Variants in AMZ1 observed in about 807,000 individuals in gnomAD.
AMZ1 encodes the protein archaemetzincin-1.
A neutral mutation model predicts 29.9 loss-of-function variants in AMZ1; 39 were observed. The ratio of observed to expected loss-of-function variants is 1.30; its 90% CI spans 1.01 to 1.70. The LOEUF is 1.70. Among genes scored for constraint, AMZ1 ranks in the 40% most tolerant of loss-of-function variants. The pLI is 0.00. For missense variants in AMZ1, 1,041 were observed against 680.6 expected, an observed-to-expected ratio of 1.53 and a Z score of -5.89; for synonymous variants, 458 against 304.0, an observed-to-expected ratio of 1.51 and a Z score of -5.27.
intron 4 of AMZ1, among the ~76,000 whole-genome samples, chr7:2,756,149 T>C (rs1459221656): frequency 6.6e-6 from 1 of 152,062 alleles, no homozygotes; most frequent in Non-Finnish European, 1.5e-5. Flanking sequence ...GGCCCCCACA[T>C]ATATGGCCAA....
Position 2,717,438 on chromosome 7 carries a change from C to T in AMZ1, c.*4560C>T, listed in dbSNP as rs1287187260. 1.3e-5 allele frequency among the ~76,000 whole-genome samples: 2 copies of T among 152,212 alleles called. No homozygotes were observed. The highest frequency in any genetic ancestry group is 2.9e-5 in the Non-Finnish European group (2 of 68,038). ...GCCTGGCTGCCGTCCTGGGAGAGGCCCCGGGAACCGGCTCGCCCTGTACCC... is the reference window on the plus strand; with the variant it reads ...GCCTGGCTGCCGTCCTGGGAGAGGCTCCGGGAACCGGCTCGCCCTGTACCC... On this transcript the variant is annotated 3_prime_UTR_variant, in exon 7 of 7. Coordinates refer to ENST00000683327, the MANE Select transcript of AMZ1 (RefSeq NM_001384743.1).
At chr7:2,749,453 C>G (rs1032082469) in intron 4 of AMZ1, among the ~76,000 whole-genome samples, 3 of 145,180 alleles carry the variant, frequency 2.1e-5, no homozygotes, top group Admixed American at 7.3e-5. Context: ...TAGGTGGGAA[C>G]TGAACAATGA....
intron 5 of AMZ1, 41 bp from the exon 6 acceptor site, chr7:2,709,599 G>C (rs756086131): frequency 1.3e-6 from 2 of 1,590,696 alleles, no homozygotes; most frequent in Non-Finnish European, 1.7e-6. Flanking sequence ...GGATGCAGGG[G>C]CAAGGCAGTG....
chr7:2,726,882 G>A (rs780590885), intron 4 of AMZ1, among the ~76,000 whole-genome samples: 1 of 152,184 alleles, frequency 6.6e-6, no homozygotes, highest in Non-Finnish European at 1.5e-5. Context: ...AACCCCAGGG[G>A]TTGTGAGGAC....
chr7:2,739,846 A>T (rs754745485), intron 4 of AMZ1, among the ~76,000 whole-genome samples: 2 of 151,946 alleles, frequency 1.3e-5, no homozygotes, highest in Non-Finnish European at 2.9e-5. Context: ...TAATTTTTGT[A>T]TTTTTAGTAG....
intron 1 of AMZ1, among the ~76,000 whole-genome samples, chr7:2,689,371 G>GGGA (rs753061092): frequency 2.4e-5 from 2 of 83,168 alleles, no homozygotes; most frequent in Admixed American, 2.6e-4. Flanking sequence ...GAACCTCCCT[G>GGGA]GGGGGGGGAT....
At chr7:2,753,042 T>G (rs1791112871) in intron 4 of AMZ1, among the ~76,000 whole-genome samples, 1 of 152,216 alleles carries the variant, frequency 6.6e-6, no homozygotes, top group South Asian at 2.1e-4. Flanking sequence ...AATCCCTTGG[T>G]AACCACGAAT....
chr7:2,686,864 G>A (rs528741538), upstream of AMZ1, among the ~76,000 whole-genome samples: 1 of 152,102 alleles, frequency 6.6e-6, no homozygotes, highest in East Asian at 2.0e-4. Context: ...ATAGGCACCA[G>A]CCACCACGCC....
At chr7:2,741,034 G>T (rs1790473189) in intron 4 of AMZ1, among the ~76,000 whole-genome samples, 1 of 150,950 alleles carries the variant, frequency 6.6e-6, no homozygotes, top group African/African-American at 2.4e-5. Flanking sequence ...GACAGAGCGA[G>T]ACTCCGTCTC....
intron 6 of AMZ1, 67 bp from the exon 7 acceptor site, chr7:2,712,263 C>A: frequency 6.8e-7 from 1 of 1,467,852 alleles, no homozygotes; most frequent in South Asian, 1.4e-5. Flanking sequence ...AAGGAGGTCT[C>A]CTGGCAGTTC....
chr7:2,719,784 G>T (rs1299014348), downstream of AMZ1, among the ~76,000 whole-genome samples: 5 of 151,528 alleles, frequency 3.3e-5, no homozygotes, highest in Non-Finnish European at 7.4e-5. Context: ...AGTTTCAAGC[G>T]ATTCTCCTGC....
chr7:2,683,279 G>A (rs1786951082), upstream of AMZ1, among the ~76,000 whole-genome samples: 2 of 152,172 alleles, frequency 1.3e-5, no homozygotes, highest in African/African-American at 2.4e-5. Flanking sequence ...GGGCAGGGCC[G>A]AACTTCTGCA....
At position 2,702,706 on chromosome 7, in the gene AMZ1, G is replaced by A. The variant is rs1247202299; in HGVS notation, c.305-16G>A. On this transcript the variant is annotated splice_polypyrimidine_tract_variant and intron_variant, in intron 2 of 6. Coordinates refer to ENST00000683327, the MANE Select transcript of AMZ1 (RefSeq NM_001384743.1). ...GCAGGGGCGTCGCAGGGCTGACGGT[G>A]CTGCTCTCCCACCAGACCTGAGCGA... 1 of 1,519,736 alleles carries A rather than the reference G, an allele frequency of 6.6e-7. No homozygotes were observed. Among genetic ancestry groups the A allele is most frequent in the South Asian group, 1.2e-5 (1 of 83,226 alleles). 94.1% of individuals were successfully genotyped at this position (1,519,736 alleles called of 1,614,324 possible).
In AMZ1 at chr7:2,719,206, C is replaced by T. The variant is rs1018434980; in HGVS notation, c.*6328C>T. ...CTCCTCCGACAGAACGGCAGGTGGC[C>T]CCTGTCGGAAGGGGGGTGTCTCTTT... is the stretch of plus-strand genomic sequence containing the variant. On this transcript the variant is annotated 3_prime_UTR_variant, in exon 7 of 7. Coordinates refer to ENST00000683327, the MANE Select transcript of AMZ1 (RefSeq NM_001384743.1). 2.6e-5 allele frequency among the ~76,000 whole-genome samples: 4 copies of T among 152,134 alleles called. No individual in the cohort carries two copies. Among genetic ancestry groups the T allele is most frequent in the African/African-American group, 9.7e-5 (4 of 41,412 alleles).
At chr7:2,689,839 T>C (rs554762184) in intron 1 of AMZ1, among the ~76,000 whole-genome samples, 19 of 152,208 alleles carry the variant, frequency 1.2e-4, no homozygotes, top group Admixed American at 1.1e-3. Flanking sequence ...GGTTGGTGAG[T>C]GCCAGAGGGT....
intron 4 of AMZ1, among the ~76,000 whole-genome samples, chr7:2,739,505 A>G (rs1249444018): frequency 2.0e-5 from 3 of 152,052 alleles, no homozygotes; most frequent in Admixed American, 6.6e-5. Context: ...ATTACATGCC[A>G]TTGTATGGAT....
downstream of AMZ1, among the ~76,000 whole-genome samples, chr7:2,722,304 GCT>G (rs1346302983): frequency 2.7e-5 from 4 of 150,116 alleles, no homozygotes; most frequent in African/African-American, 9.8e-5. Flanking sequence ...ACAGACTCTC[GCT>G]CTCTCGCCTG....
intron 5 of AMZ1, 137 bp downstream of exon 5, chr7:2,709,381 G>C: frequency 9.2e-7 from 1 of 1,085,132 alleles, no homozygotes; most frequent in Non-Finnish European, 1.3e-6. Context: ...GGAAAGCAAG[G>C]CTACACAGCT....
chr7:2,758,246 C>T (rs1336421662), intron 4 of AMZ1, among the ~76,000 whole-genome samples: 1 of 152,174 alleles, frequency 6.6e-6, no homozygotes, highest in African/African-American at 2.4e-5. Context: ...GGCTTTAGGG[C>T]CGGGTGCAGT....
Sources: allele counts gnomAD v4.1 joint callset (sites outside exome capture counted in the v4.1 genomes callset), GRCh38; gene constraint gnomAD v4.1.1; transcripts MANE v1.5; gene names NCBI Gene and HGNC (gene_info 2026-07-23, HGNC 2026-07-21).